The following OR5A2 variants were observed in gnomAD, a reference collection of about 807,000 sequenced individuals.
OR5A2 encodes the protein olfactory receptor 5A2.
For missense variants in OR5A2, 406 were observed against 398.9 expected (o/e 1.02, Z -0.15); for synonymous variants, 155 against 151.1 (o/e 1.03, Z -0.19).
rs1286768222 is a variant in OR5A2 at position 59,422,760 on chromosome 11, C to G, written c.194G>C (p.Ser65Thr). 2 of 1,614,012 alleles carry G rather than the reference C, an allele frequency of 1.2e-6. No homozygotes were observed. Among genetic ancestry groups the G allele is most frequent in the Non-Finnish European group, 1.7e-6 (2 of 1,180,030 alleles). The change falls in exon 2 of 2, where the codon AGT becomes ACT. Residue 65 changes from serine to threonine, a missense_variant. By Grantham distance (58) the Ser-to-Thr change is moderately conservative. Coordinates refer to ENST00000302040, the MANE Select transcript of OR5A2 (RefSeq NM_001001954.2). ...HLHMPMYFFL[S>T]NLSFLDICYV... is the part of the protein sequence containing the mutation. ...GCAGATGTCCAGGAAGGACAGGTTA[C>G]TGAGGAAGAAGTACATGGGCATGTG...
chr11:59,416,995 T>C lies in OR5A2; in HGVS notation c.*4984A>G, dbSNP rs1858163273. On this transcript the variant is annotated 3_prime_UTR_variant, in exon 2 of 2. Coordinates refer to ENST00000302040, the MANE Select transcript of OR5A2 (RefSeq NM_001001954.2). ...CCTCTTTTTGCATAAGAAAGATGTT[T>C]TATTAGAACAAACAAGAATATACCA... The C allele has an allele frequency of 6.6e-6, 1 of 152,086 alleles. No individual in the cohort carries two copies. Among genetic ancestry groups the C allele is most frequent in the South Asian group, 2.1e-4 (1 of 4,832 alleles). The allele number at this position is 152,086 out of a possible 1,614,324, so 9.4% of individuals were successfully genotyped here.
intron 1 of OR5A2, chr11:59,423,258 T>A: frequency 3.8e-6 from 1 of 265,790 alleles, no homozygotes; most frequent in Non-Finnish European, 7.2e-6. Context: ...CATAACTTGC[T>A]GAGGACTTTG....
Position 59,421,936 on chromosome 11 carries a change from A to G in OR5A2, c.*43T>C. The G allele has an allele frequency of 6.6e-7, 1 of 1,518,524 alleles. No homozygotes were observed. The highest frequency in any genetic ancestry group is 8.8e-7 in the Non-Finnish European group (1 of 1,132,366). 94.1% of individuals were successfully genotyped at this position (1,518,524 alleles called of 1,614,324 possible). ...AGATCAACTAGTTTAAAATTATGTA[A>G]ATGTCTGCACAATTCACCTAGCTCA... On this transcript the variant is annotated 3_prime_UTR_variant, in exon 2 of 2. Coordinates refer to ENST00000302040, the MANE Select transcript of OR5A2 (RefSeq NM_001001954.2).
At position 59,419,636 on chromosome 11, in the gene OR5A2, A is replaced by T. The variant is rs999624503; in HGVS notation, c.*2343T>A. On this transcript the variant is annotated 3_prime_UTR_variant, in exon 2 of 2. Coordinates refer to ENST00000302040, the MANE Select transcript of OR5A2 (RefSeq NM_001001954.2). Reference sequence around the variant, plus strand: ...AGAAATACATTGGTTTCGTTCAGAAAGGCGGGACAACTCAAATTGGAGACT... The same window carrying T: ...AGAAATACATTGGTTTCGTTCAGAATGGCGGGACAACTCAAATTGGAGACT... 6.6e-6 allele frequency: 1 copy of T among 152,200 alleles called. No homozygotes were observed. Among genetic ancestry groups the T allele is most frequent in the Non-Finnish European group, 1.5e-5 (1 of 68,034 alleles). The allele number at this position is 152,200 out of a possible 1,614,324, so 9.4% of individuals were successfully genotyped here.
At chr11:59,423,075 G>T in intron 1 of OR5A2, 31 bp from the exon 2 acceptor site, 2 of 1,016,446 alleles carry the variant, frequency 2.0e-6, no homozygotes, top group Non-Finnish European at 2.9e-6. Context: ...TCAGCAACAA[G>T]TTAAACTACA....
At position 59,421,032 on chromosome 11, in the gene OR5A2, G is replaced by A. The variant is rs1422117059; in HGVS notation, c.*947C>T. On this transcript the variant is annotated 3_prime_UTR_variant, in exon 2 of 2. Coordinates refer to ENST00000302040, the MANE Select transcript of OR5A2 (RefSeq NM_001001954.2). Reference sequence around the variant, plus strand: ...TGCACTGCTATAAAAATATTCCTTAGGCTAGGTAATTCATAAAGAGATTTA... The same window carrying A: ...TGCACTGCTATAAAAATATTCCTTAAGCTAGGTAATTCATAAAGAGATTTA... 2 of 152,154 alleles carry A rather than the reference G, an allele frequency of 1.3e-5. No homozygotes were observed. Among genetic ancestry groups the A allele is most frequent in the African/African-American group, 2.4e-5 (1 of 41,418 alleles). 9.4% of individuals were successfully genotyped at this position (152,154 alleles called of 1,614,324 possible).
At position 59,417,999 on chromosome 11, in the gene OR5A2, A is replaced by G. The variant is rs530885800; in HGVS notation, c.*3980T>C. On this transcript the variant is annotated 3_prime_UTR_variant, in exon 2 of 2. Coordinates refer to ENST00000302040, the MANE Select transcript of OR5A2 (RefSeq NM_001001954.2). ...CTCTGTGTGTAAATTGTGTCACAGA[A>G]GCATTTTAGAGAAAAAAATATATAT... 6.6e-6 allele frequency: 1 copy of G among 152,130 alleles called. No individual in the cohort carries two copies. Among genetic ancestry groups the G allele is most frequent in the South Asian group, 2.1e-4 (1 of 4,828 alleles). The allele number at this position is 152,130 out of a possible 1,614,324, so 9.4% of individuals were successfully genotyped here. A position where few individuals can be genotyped will look rare whatever the true frequency, so the allele number is the denominator to read the frequency against.
Position 59,422,058 on chromosome 11 carries a change from T to G in OR5A2, c.896A>C (p.Lys299Thr). 6.2e-7 allele frequency: 1 copy of G among 1,614,130 alleles called. No individual in the cohort carries two copies. The highest frequency in any genetic ancestry group is 8.5e-7 in the Non-Finnish European group (1 of 1,179,974). ...IIYSFRNKEIKNAMRKAMERD... is the reference protein window; with the variant it reads ...IIYSFRNKEITNAMRKAMERD... Reference sequence around the variant, plus strand: ...TTCCATGGCTTTCCTCATGGCATTTTTAATCTCCTTATTCCTAAAACTGTA... The same window carrying G: ...TTCCATGGCTTTCCTCATGGCATTTGTAATCTCCTTATTCCTAAAACTGTA... The change falls in exon 2 of 2, where the codon AAA becomes ACA. Residue 299 changes from lysine (K) to threonine (T), a missense_variant. Coordinates refer to ENST00000302040, the MANE Select transcript of OR5A2 (RefSeq NM_001001954.2).
chr11:59,420,532 T>C lies in OR5A2; in HGVS notation c.*1447A>G, dbSNP rs149615833. On this transcript the variant is annotated 3_prime_UTR_variant, in exon 2 of 2. Coordinates refer to ENST00000302040, the MANE Select transcript of OR5A2 (RefSeq NM_001001954.2). The stretch of plus-strand genomic sequence containing the variant: ...TGACTCATTTAATTCTTCACAATAG[T>C]CCTAGGATAAAATTACTATTATAAT... The C allele has an allele frequency of 5.3e-5, 8 of 152,216 alleles. No homozygotes were observed. The highest frequency in any genetic ancestry group is 1.9e-4 in the African/African-American group (8 of 41,556). 9.4% of individuals were successfully genotyped at this position (152,216 alleles called of 1,614,324 possible). A position where few individuals can be genotyped will look rare whatever the true frequency, so the allele number is the denominator to read the frequency against.
rs1265348379 is a variant in OR5A2, at chr11:59,422,364, T to G, written c.590A>C (p.Glu197Ala). 48 of 1,613,886 alleles carry G rather than the reference T, an allele frequency of 3.0e-5. No individual in the cohort carries two copies. Among genetic ancestry groups the G allele is most frequent in the Non-Finnish European group, 4.0e-5 (47 of 1,179,992 alleles). Residue 197 changes from glutamate (E) to alanine (A), a missense_variant, in exon 2 of 2, where the codon GAG becomes GCG. By Grantham distance (107) the Glu-to-Ala change is moderately radical. Transcript: ENST00000302040. The part of the protein sequence containing the change: ...ALSCSDTFTS[E>A]VVTFIVSVVV... ...AACACTGACTATGAAGGTCACCACC[T>G]CGCTGGTGAAGGTATCAGAGCAGGA...
At chr11:59,423,258 T>C in intron 1 of OR5A2, 1 of 265,790 alleles carries the variant, frequency 3.8e-6, no homozygotes, top group South Asian at 9.7e-5. Context: ...CATAACTTGC[T>C]GAGGACTTTG....
rs763649422 is a variant in OR5A2, at chr11:59,422,258, A to G, written c.696T>C (p.Ala232=). The G allele has an allele frequency of 1.2e-6, 2 of 1,614,154 alleles. No individual in the cohort carries two copies. The highest frequency in any genetic ancestry group is 2.2e-5 in the South Asian group (2 of 91,078). ...TGCTGAAGGCCTTTGTCCTACCTGT[A>G]GCTGAGCTGATCTTCACAACAGCAG... ...IVAAVVKISS[A]TGRTKAFSTC... The change falls in exon 2 of 2, where the codon GCT becomes GCC. Residue 232 remains alanine (A), a synonymous_variant. Coordinates refer to ENST00000302040, the MANE Select transcript of OR5A2 (RefSeq NM_001001954.2).
intron 1 of OR5A2, chr11:59,423,303 A>C: frequency 2.4e-5 from 5 of 204,514 alleles, no homozygotes; most frequent in East Asian, 2.2e-4. Flanking sequence ...ATTTTCCCAA[A>C]TGGGAAAGGA....
Position 59,420,971 on chromosome 11 carries a change from G to A in OR5A2, c.*1008C>T, listed in dbSNP as rs961161072. 1.3e-5 allele frequency: 2 copies of A among 152,142 alleles called. No individual in the cohort carries two copies. Among genetic ancestry groups the A allele is most frequent in the African/African-American group, 2.4e-5 (1 of 41,438 alleles). The allele number at this position is 152,142 out of a possible 1,614,324, so 9.4% of individuals were successfully genotyped here. On this transcript the variant is annotated 3_prime_UTR_variant, in exon 2 of 2. Coordinates refer to ENST00000302040, the MANE Select transcript of OR5A2 (RefSeq NM_001001954.2). The stretch of plus-strand genomic sequence containing the variant: ...TTTTGTAGTTGATTGAATTGGCCGA[G>A]AGGTTTTTTGTTCAGTCATTAAGGC...
Position 59,420,578 on chromosome 11 carries a change from C to G in OR5A2, c.*1401G>C, listed in dbSNP as rs1858209436. On this transcript the variant is annotated 3_prime_UTR_variant, in exon 2 of 2. Coordinates refer to ENST00000302040, the MANE Select transcript of OR5A2 (RefSeq NM_001001954.2). ...ATAATTTCCATTTTATGGTTAGGAT[C>G]TGAGGCACCTAGAGTCCAAGCAACT... The G allele has an allele frequency of 6.6e-6, 1 of 151,876 alleles. No individual in the cohort carries two copies. Among genetic ancestry groups the G allele is most frequent in the African/African-American group, 2.4e-5 (1 of 41,388 alleles). 9.4% of individuals were successfully genotyped at this position (151,876 alleles called of 1,614,324 possible).
chr11:59,422,955 G>C lies in OR5A2; in HGVS notation c.-2C>G. 6.2e-7 allele frequency: 1 copy of C among 1,606,938 alleles called. No homozygotes were observed. The highest frequency in any genetic ancestry group is 8.5e-7 in the Non-Finnish European group (1 of 1,176,412). The stretch of plus-strand genomic sequence containing the variant: ...TGTGTTGTTCCTTCCTACAGCCATA[G>C]GCCTGCTTCCTGCATAAAGTCTTTA... On this transcript the variant is annotated 5_prime_UTR_variant, in exon 2 of 2. Coordinates refer to ENST00000302040, the MANE Select transcript of OR5A2 (RefSeq NM_001001954.2).
At chr11:59,424,981 C>T (rs1858278003) in intron 1 of OR5A2, 2 of 152,198 alleles carry the variant, frequency 1.3e-5, no homozygotes, top group South Asian at 4.1e-4. Context: ...TACTCAAAGA[C>T]AGGCAGGGAG....
chr11:59,422,918 T>A lies in OR5A2; in HGVS notation c.36A>T (p.Lys12Asn), dbSNP rs552104091. The change falls in exon 2 of 2, where the codon AAA (lysine) becomes AAT (asparagine). Residue 12 changes from lysine to asparagine, a missense_variant. By Grantham distance (94) the Lys-to-Asn change is moderately conservative. Transcript: ENST00000302040. ...GGTCTGAAAGTCCCAGGAGAATGAATTTTGTCACAATTGTGTTGTTCCTTC... is the reference window on the plus strand; with the variant it reads ...GGTCTGAAAGTCCCAGGAGAATGAAATTTGTCACAATTGTGTTGTTCCTTC... Reference protein sequence around the residue: ...AVGRNNTIVTKFILLGLSDHP... With the variant: ...AVGRNNTIVTNFILLGLSDHP... The A allele has an allele frequency of 1.2e-6, 2 of 1,613,968 alleles. No homozygotes were observed. Among genetic ancestry groups the A allele is most frequent in the Admixed American group, 3.3e-5 (2 of 60,014 alleles).
chr11:59,424,594 A>C (rs76281525), intron 1 of OR5A2: 6 of 148,324 alleles, frequency 4.0e-5, no homozygotes, highest in Admixed American at 6.7e-5. Flanking sequence ...ACCCTGTCTC[A>C]AAAAAAAAAG....
Sources: gnomAD v4.1 joint callset for allele counts on GRCh38, gnomAD v4.1.1 for gene constraint, MANE v1.5 for transcripts, NCBI Gene and HGNC (gene_info 2026-07-23, HGNC 2026-07-21) for gene names.